The following DLEU7 variants were observed in gnomAD, a reference collection of about 807,000 sequenced individuals.
The protein encoded by DLEU7 is deleted in lymphocytic leukemia 7.
Under a neutral mutation model 16.0 loss-of-function variants are expected in DLEU7, and 17 were observed. The ratio of observed to expected loss-of-function variants is 1.06; its 90% CI spans 0.73 to 1.59. The LOEUF (loss-of-function observed/expected upper bound fraction) is 1.59, where lower values mean the gene tolerates loss of function less well. Ranked by LOEUF, DLEU7 falls within the 40% of genes most tolerant of loss-of-function variation. The probability of loss-of-function intolerance (pLI) is 0.00; values close to 1 mark genes in which losing one functional copy is unlikely to be tolerated. For synonymous variants in DLEU7, 113 were observed against 139.8 expected (o/e 0.81, Z 1.35); for missense variants, 308 against 314.9 (o/e 0.98, Z 0.17).
intron 1 of DLEU7, among the ~76,000 whole-genome samples, chr13:50,793,554 T>C (rs1022679247): frequency 6.6e-6 from 1 of 152,220 alleles, no homozygotes; most frequent in African/African-American, 2.4e-5. Flanking sequence ...TTCTGACTGG[T>C]ATGAAATATC....
chr13:50,813,851 G>GTCAT, intron 1 of DLEU7, among the ~76,000 whole-genome samples: 1 of 152,176 alleles, frequency 6.6e-6, no homozygotes, highest in East Asian at 1.9e-4. Flanking sequence ...TTTGAGTGAA[G>GTCAT]TCATTGTCAC....
intron 1 of DLEU7, among the ~76,000 whole-genome samples, chr13:50,789,720 C>T (rs761675109): frequency 2.0e-5 from 3 of 152,040 alleles, no homozygotes; most frequent in South Asian, 4.1e-4. Flanking sequence ...AGCCCTATAA[C>T]GGACCCTGGA....
downstream of DLEU7, among the ~76,000 whole-genome samples, chr13:50,820,328 T>A (rs77097765): frequency 1.0e-3 from 157 of 151,474 alleles, 1 homozygote; most frequent in African/African-American, 3.5e-3. Flanking sequence ...GCCAGAGGAA[T>A]TTTTTTTTGA....
At chr13:50,780,873 C>A (rs542546006) in intron 1 of DLEU7, among the ~76,000 whole-genome samples, 4 of 152,122 alleles carry the variant, frequency 2.6e-5, no homozygotes, top group Admixed American at 2.6e-4. Flanking sequence ...TGATATCTCG[C>A]CTTCCTGTCT....
intron 1 of DLEU7, among the ~76,000 whole-genome samples, chr13:50,773,526 C>T (rs1055300447): frequency 6.6e-6 from 1 of 152,206 alleles, no homozygotes; most frequent in Non-Finnish European, 1.5e-5. Flanking sequence ...AGAGTCACGT[C>T]CCTCAACTGC....
intron 1 of DLEU7, among the ~76,000 whole-genome samples, chr13:50,714,538 C>A: frequency 6.6e-6 from 1 of 152,194 alleles, no homozygotes; most frequent in East Asian, 1.9e-4. Context: ...AAATGCTCAT[C>A]TATTCTCAGG....
intron 1 of DLEU7, among the ~76,000 whole-genome samples, chr13:50,785,732 A>G (rs1360196132): frequency 6.6e-6 from 1 of 152,168 alleles, no homozygotes; most frequent in African/African-American, 2.4e-5. Context: ...GCCATTCATG[A>G]CTTGGAGATA....
At chr13:50,747,011 C>T (rs1469050847) in intron 1 of DLEU7, among the ~76,000 whole-genome samples, 1 of 151,874 alleles carries the variant, frequency 6.6e-6, no homozygotes, top group Non-Finnish European at 1.5e-5. Flanking sequence ...AAAAATAAAC[C>T]CTAAAATTAC....
chr13:50,838,461 C>A (rs771940298), intron 1 of DLEU7, among the ~76,000 whole-genome samples: 1 of 152,210 alleles, frequency 6.6e-6, no homozygotes, highest in Non-Finnish European at 1.5e-5. Context: ...GGCTAACGGT[C>A]CATATGTGAA....
chr13:50,747,131 G>T (rs1280305590), intron 1 of DLEU7, among the ~76,000 whole-genome samples: 1 of 152,090 alleles, frequency 6.6e-6, no homozygotes, highest in Non-Finnish European at 1.5e-5. Flanking sequence ...AATTGTTATT[G>T]TTAAGTAAAA....
At chr13:50,792,537 AGT>A (rs1875987610) in intron 1 of DLEU7, among the ~76,000 whole-genome samples, 1 of 152,152 alleles carries the variant, frequency 6.6e-6, no homozygotes, top group African/African-American at 2.4e-5. Context: ...GTCCTAACTG[AGT>A]GTCTTATTTT....
At position 50,843,394 on chromosome 13, in the gene DLEU7, A is replaced by C; in HGVS notation, c.253T>G (p.Ser85Ala). ...CCTCGCACTACCTCCTCCTCTGGGGAGTTCGCCCGCGCCGCGGTCCGCCGA... is the reference window on the plus strand; with the variant it reads ...CCTCGCACTACCTCCTCCTCTGGGGCGTTCGCCCGCGCCGCGGTCCGCCGA... ...RSRRTAARAN[S>A]PEEEVVRGAE... The change falls in exon 1 of 2, where the codon TCC becomes GCC. Residue 85 changes from serine (S) to alanine (A), a missense_variant. Coordinates refer to ENST00000504404, the MANE Select transcript of DLEU7 (RefSeq NM_001306135.2). The surrounding 1 kb of genome is among the most constrained non-coding windows in gnomAD (Gnocchi z 5.7). 1 of 1,331,974 alleles carries C rather than the reference A, an allele frequency of 7.5e-7. No individual in the cohort carries two copies. The highest frequency in any genetic ancestry group is 9.6e-7 in the Non-Finnish European group (1 of 1,045,240). 82.5% of individuals were successfully genotyped at this position (1,331,974 alleles called of 1,614,324 possible).
intron 1 of DLEU7, among the ~76,000 whole-genome samples, chr13:50,769,606 G>T (rs1875232386): frequency 6.6e-6 from 1 of 152,104 alleles, no homozygotes; most frequent in Admixed American, 6.5e-5. Flanking sequence ...GTATATGCCG[G>T]TGTTATTTCT....
intron 1 of DLEU7, among the ~76,000 whole-genome samples, chr13:50,754,076 CTTATT>C (rs1044100173): frequency 6.6e-6 from 1 of 152,188 alleles, no homozygotes; most frequent in Non-Finnish European, 1.5e-5. Context: ...TTTATTCCAG[CTTATT>C]TTATGGCCTA....
chr13:50,817,578 A>G (rs1876769968), intron 1 of DLEU7, among the ~76,000 whole-genome samples: 1 of 152,124 alleles, frequency 6.6e-6, no homozygotes, highest in Admixed American at 6.6e-5. Flanking sequence ...CAAGATTTGT[A>G]CTCCTCTCAG....
At chr13:50,759,906 C>T (rs1040666729) in intron 1 of DLEU7, among the ~76,000 whole-genome samples, 1 of 152,176 alleles carries the variant, frequency 6.6e-6, no homozygotes, top group Non-Finnish European at 1.5e-5. Context: ...CCTCTGCCAG[C>T]CACCTTCCAT....
intron 1 of DLEU7, among the ~76,000 whole-genome samples, chr13:50,834,588 TTGG>T (rs1877389752): frequency 1.3e-5 from 2 of 152,152 alleles, no homozygotes; most frequent in Non-Finnish European, 2.9e-5. Flanking sequence ...TTTTACACTG[TTGG>T]TGGGAGTGTA....
At chr13:50,820,670 A>G (rs1316369491), downstream of DLEU7, among the ~76,000 whole-genome samples, 1 of 152,168 alleles carries the variant, frequency 6.6e-6, no homozygotes, top group Non-Finnish European at 1.5e-5. Context: ...GGTGTGGAAG[A>G]GCCTTCAGAG....
chr13:50,787,474 G>A (rs542483421), intron 1 of DLEU7, among the ~76,000 whole-genome samples: 17 of 152,250 alleles, frequency 1.1e-4, no homozygotes, highest in South Asian at 4.1e-4. Context: ...AGATAGCAAA[G>A]ATGGAGCAAA....
Sources: gnomAD v4.1 joint callset for allele counts (sites outside exome capture counted in the v4.1 genomes callset) on GRCh38, gnomAD v4.1.1 for gene constraint, Gnocchi (gnomAD v3.1) non-coding constraint, MANE v1.5 for transcripts, NCBI Gene and HGNC (gene_info 2026-07-23, HGNC 2026-07-21) for gene names.